The following GPR26 variants were observed in gnomAD, a reference collection of about 807,000 sequenced individuals.
GPR26 encodes G protein-coupled receptor 26.
GPR26 carries 15 observed loss-of-function variants against 23.1 expected under a neutral mutation model. The ratio of observed to expected loss-of-function variants is 0.65; its 90% CI spans 0.43 to 1.00. GPR26 has a LOEUF of 1.00. GPR26 is among the 50% of genes least tolerant of loss of function. The pLI is 0.00. For missense variants in GPR26, 359 were observed against 470.5 expected, an observed-to-expected ratio of 0.76 and a Z score of 2.19; for synonymous variants, 228 against 222.1, an observed-to-expected ratio of 1.03 and a Z score of -0.24.
At position 123,674,182 on chromosome 10, in the gene GPR26, TC is replaced by T. The variant is rs1845281556; in HGVS notation, c.669-633del. On this transcript the variant is annotated intron_variant, in intron 1 of 2. Coordinates refer to ENST00000284674, the MANE Select transcript of GPR26 (RefSeq NM_153442.4). This position sits in a 1 kb window ranked among gnomAD's most constrained non-coding sequence, Gnocchi z 4.1. The stretch of plus-strand genomic sequence containing the variant: ...CACGTTGGCCAGGCTGGTCTCAAAC[TC>T]CCGACCTCAGGTGATCCACCCACTT... Among the ~76,000 whole-genome samples the T allele has an allele frequency of 6.6e-6, 1 of 152,204 alleles. No homozygotes were observed. Among genetic ancestry groups the T allele is most frequent in the East Asian group, 1.9e-4 (1 of 5,174 alleles).
At chr10:123,677,854 C>G (rs191328949) in intron 2 of GPR26, among the ~76,000 whole-genome samples, 1 of 152,312 alleles carries the variant, frequency 6.6e-6, no homozygotes, top group African/African-American at 2.4e-5. Flanking sequence ...CAGGTGGCTA[C>G]AGGGCACTTG....
At chr10:123,667,284 T>C (rs1287408290) in intron 1 of GPR26, among the ~76,000 whole-genome samples, 1 of 152,138 alleles carries the variant, frequency 6.6e-6, no homozygotes, top group African/African-American at 2.4e-5. Context: ...AGCCCATCTA[T>C]ACATCGGTTT....
intron 2 of GPR26, among the ~76,000 whole-genome samples, chr10:123,676,916 A>C (rs1845317013): frequency 6.6e-6 from 1 of 151,854 alleles, no homozygotes; most frequent in Non-Finnish European, 1.5e-5. Context: ...TGTGGTCTTC[A>C]CTCTCCTTCC....
intron 2 of GPR26, among the ~76,000 whole-genome samples, chr10:123,685,029 G>C (rs1336864678): frequency 6.6e-6 from 1 of 152,150 alleles, no homozygotes; most frequent in African/African-American, 2.4e-5. Flanking sequence ...TGCCTCCCAC[G>C]TCCCGTCCTG....
chr10:123,683,743 A>G (rs1455027298), intron 2 of GPR26, among the ~76,000 whole-genome samples: 1 of 152,192 alleles, frequency 6.6e-6, no homozygotes, highest in Admixed American at 6.5e-5. Context: ...GCATGGCTCC[A>G]TGGAATAGTT....
At chr10:123,667,206 G>A in intron 1 of GPR26, 131 bp downstream of exon 1, 3 of 739,174 alleles carry the variant, frequency 4.1e-6, no homozygotes, top group Non-Finnish European at 6.4e-6. Flanking sequence ...TGGGGAAAGC[G>A]GCCCAGCTGT....
intron 2 of GPR26, 118 bp downstream of exon 2, chr10:123,675,049 G>A (rs992193286): frequency 4.7e-6 from 3 of 644,750 alleles, no homozygotes; most frequent in African/African-American, 3.6e-5. Flanking sequence ...GTTGTGGGGG[G>A]CAAGAGTGAA....
chr10:123,672,739 C>T (rs1431732517), intron 1 of GPR26, among the ~76,000 whole-genome samples: 2 of 151,512 alleles, frequency 1.3e-5, no homozygotes, highest in South Asian at 2.1e-4. Context: ...CTGGTTTGCC[C>T]GAGGTAGAGG....
chr10:123,675,555 T>C (rs941834358), intron 2 of GPR26, among the ~76,000 whole-genome samples: 1 of 152,150 alleles, frequency 6.6e-6, no homozygotes, highest in African/African-American at 2.4e-5. Context: ...TTGGGTTGTG[T>C]ATCTCTCAAG....
rs1845551812 is a variant in GPR26, at chr10:123,696,948, C to T, written c.*8788C>T. On this transcript the variant is annotated 3_prime_UTR_variant, in exon 3 of 3. Coordinates refer to ENST00000284674, the MANE Select transcript of GPR26 (RefSeq NM_153442.4). ...GCATATGGGTATATGTTTGTGTGCC[C>T]GTGATTATATGCATATGGGTGAATG... Among the ~76,000 whole-genome samples, 2 of 151,760 alleles carry T rather than the reference C, an allele frequency of 1.3e-5. No individual in the cohort carries two copies. Among genetic ancestry groups the T allele is most frequent in the Non-Finnish European group, 2.9e-5 (2 of 67,962 alleles).
intron 2 of GPR26, among the ~76,000 whole-genome samples, chr10:123,677,172 C>T (rs976869549): frequency 3.7e-5 from 5 of 136,688 alleles, no homozygotes; most frequent in Non-Finnish European, 8.2e-5. Flanking sequence ...TTCCCAACAA[C>T]ATTTTCCTTT....
chr10:123,672,740 G>A (rs1468146779), intron 1 of GPR26, among the ~76,000 whole-genome samples: 4 of 151,550 alleles, frequency 2.6e-5, no homozygotes, highest in Non-Finnish European at 5.9e-5. Context: ...TGGTTTGCCC[G>A]AGGTAGAGGA....
chr10:123,673,950 C>CCTT (rs1458549462), intron 1 of GPR26, among the ~76,000 whole-genome samples: 1 of 147,118 alleles, frequency 6.8e-6, no homozygotes, highest in Non-Finnish European at 1.5e-5. Context: ...TCTTCCTTTT[C>CCTT]TTCTTTTTTG....
In GPR26 at chr10:123,694,087, G is replaced by A. The variant is rs1299053397; in HGVS notation, c.*5927G>A. The A allele has an allele frequency of 6.5e-6, 1 of 152,680 alleles. No individual in the cohort carries two copies. Among genetic ancestry groups the A allele is most frequent in the Non-Finnish European group, 1.5e-5 (1 of 68,438 alleles). 9.5% of individuals were successfully genotyped at this position (152,680 alleles called of 1,614,324 possible). A position where few individuals can be genotyped will look rare whatever the true frequency, so the allele number is the denominator to read the frequency against. Reference sequence around the variant, plus strand: ...CAGGCCCTGTGCTTTGTCAGGCTCTGGGGGAGACAGGTCATTACTCTGCAG... The same window carrying A: ...CAGGCCCTGTGCTTTGTCAGGCTCTAGGGGAGACAGGTCATTACTCTGCAG... On this transcript the variant is annotated 3_prime_UTR_variant, in exon 3 of 3. Transcript: ENST00000284674.
rs1845498236 is a variant in GPR26, at chr10:123,692,357, T to A, written c.*4197T>A. ...TGTCCTGCCCTCTTCCCAGCCAGCCTCACACACAGGAGCTGAGCCAGGCTG... is the reference window on the plus strand; with the variant it reads ...TGTCCTGCCCTCTTCCCAGCCAGCCACACACACAGGAGCTGAGCCAGGCTG... On this transcript the variant is annotated 3_prime_UTR_variant, in exon 3 of 3. Transcript: ENST00000284674. The A allele has an allele frequency of 6.6e-6, 1 of 152,296 alleles. No homozygotes were observed. Among genetic ancestry groups the A allele is most frequent in the Admixed American group, 6.5e-5 (1 of 15,284 alleles). The allele number at this position is 152,296 out of a possible 1,614,324, so 9.4% of individuals were successfully genotyped here.
At position 123,666,373 on chromosome 10, in the gene GPR26, T is replaced by G. The variant is rs2133919562; in HGVS notation, c.-35T>G. 7.6e-7 allele frequency: 1 copy of G among 1,315,198 alleles called. No individual in the cohort carries two copies. Among genetic ancestry groups the G allele is most frequent in the Non-Finnish European group, 9.7e-7 (1 of 1,033,528 alleles). 81.5% of individuals were successfully genotyped at this position (1,315,198 alleles called of 1,614,324 possible). ...CGGGCAGCGCCATGGCGGCGCCGGG[T>G]TGCGGACCCTGAGCGCCGGCGCGGG... is the stretch of plus-strand genomic sequence containing the variant. On this transcript the variant is annotated 5_prime_UTR_variant, in exon 1 of 3. Transcript: ENST00000284674.
intron 1 of GPR26, among the ~76,000 whole-genome samples, chr10:123,667,574 TGTG>T (rs1208587050): frequency 1.3e-5 from 2 of 149,404 alleles, no homozygotes; most frequent in African/African-American, 4.9e-5. Context: ...TGTGTGTGTG[TGTG>T]TGTGTGTGTG....
intron 1 of GPR26, among the ~76,000 whole-genome samples, chr10:123,668,767 A>G (rs1341003191): frequency 6.6e-6 from 1 of 152,176 alleles, no homozygotes; most frequent in African/African-American, 2.4e-5. Context: ...TCCCGGGACT[A>G]AAGACTCCTA....
rs1845470963 is a variant in GPR26, at chr10:123,689,662, A to C, written c.*1502A>C. Reference sequence around the variant, plus strand: ...AGAAGGAAGGATGTGGTCCAACGGGAAGGAAGTGAAGAGTCTATTGGTTTT... The same window carrying C: ...AGAAGGAAGGATGTGGTCCAACGGGCAGGAAGTGAAGAGTCTATTGGTTTT... On this transcript the variant is annotated 3_prime_UTR_variant, in exon 3 of 3. Transcript: ENST00000284674. 1 of 152,196 alleles carries C rather than the reference A, an allele frequency of 6.6e-6. No homozygotes were observed. The highest frequency in any genetic ancestry group is 6.5e-5 in the Admixed American group (1 of 15,276). 9.4% of individuals were successfully genotyped at this position (152,196 alleles called of 1,614,324 possible).
Sources: allele counts gnomAD v4.1 joint callset (sites outside exome capture counted in the v4.1 genomes callset), GRCh38; gene constraint gnomAD v4.1.1; non-coding constraint Gnocchi (gnomAD v3.1); transcripts MANE v1.5; gene names NCBI Gene and HGNC (gene_info 2026-07-23, HGNC 2026-07-21).